Variants in GRIP1 observed in about 807,000 individuals in gnomAD.
GRIP1 encodes glutamate receptor interacting protein 1.
GRIP1 carries 45 observed loss-of-function variants against 129.9 expected under a neutral mutation model. The observed-to-expected ratio is 0.35, with a 90% confidence interval of 0.27 to 0.44. The LOEUF (loss-of-function observed/expected upper bound fraction) is 0.44, where lower values mean the gene tolerates loss of function less well. Among genes scored for constraint, GRIP1 ranks in the 20% least tolerant of loss-of-function variants. The probability of loss-of-function intolerance (pLI) is 1.00; values close to 1 mark genes in which losing one functional copy is unlikely to be tolerated. For synonymous variants in GRIP1, 530 were observed against 520.8 expected (o/e 1.02, Z -0.24); for missense variants, 1,196 against 1,396.8 (o/e 0.86, Z 2.29).
At chr12:66,759,079 G>A (rs2037390318) in intron 1 of GRIP1, among the ~76,000 whole-genome samples, 1 of 152,206 alleles carries the variant, frequency 6.6e-6, no homozygotes, top group Non-Finnish European at 1.5e-5. Context: ...ATTCTGCATT[G>A]CCCTAGTAGA....
chr12:66,642,940 A>G (rs768633148), intron 1 of GRIP1, among the ~76,000 whole-genome samples: 1 of 152,226 alleles, frequency 6.6e-6, no homozygotes, highest in Non-Finnish European at 1.5e-5. Context: ...TTTAAAATAA[A>G]CTAGGCTTTG....
At chr12:66,583,102 G>A (rs1289404140) in intron 2 of GRIP1, among the ~76,000 whole-genome samples, 17 of 151,732 alleles carry the variant, frequency 1.1e-4, no homozygotes, top group South Asian at 2.1e-4. Flanking sequence ...AAATAACGCC[G>A]CATATCTACA....
At position 66,910,364 on chromosome 12, in the gene GRIP1, T is replaced by G. The variant is rs1203444561; in HGVS notation, c.58+158686A>C. ...TTCTTCTCCTGCATTCTATAAAATGTAATTCCACCTTTGGGGAGTGACCAT... is the reference window on the plus strand; with the variant it reads ...TTCTTCTCCTGCATTCTATAAAATGGAATTCCACCTTTGGGGAGTGACCAT... On this transcript the variant is annotated intron_variant, in intron 1 of 1. Coordinates refer to the GRIP1 transcript ENST00000643019. 2.0e-5 allele frequency among the ~76,000 whole-genome samples: 3 copies of G among 152,310 alleles called. No homozygotes were observed. The East Asian group carries it at 5.8e-4, about 29-fold the overall frequency.
intron 1 of GRIP1, among the ~76,000 whole-genome samples, chr12:66,873,384 A>G (rs943089892): frequency 6.6e-6 from 1 of 152,104 alleles, no homozygotes; most frequent in Admixed American, 6.6e-5. Flanking sequence ...AGTCTGCCAC[A>G]GTGATGCTGG....
At chr12:66,361,936 G>A (rs1182116338) in intron 23 of GRIP1, among the ~76,000 whole-genome samples, 1 of 152,058 alleles carries the variant, frequency 6.6e-6, no homozygotes, top group East Asian at 1.9e-4. Flanking sequence ...TGAAGGCCAG[G>A]CACACTGTCA....
intron 1 of GRIP1, among the ~76,000 whole-genome samples, chr12:66,871,294 T>G (rs1280231604): frequency 1.3e-5 from 2 of 152,148 alleles, no homozygotes; most frequent in Non-Finnish European, 2.9e-5. Context: ...TTTAGAACAC[T>G]ATTTTTTCCC....
chr12:66,799,541 C>T (rs917624947), intron 1 of GRIP1, among the ~76,000 whole-genome samples: 24 of 152,186 alleles, frequency 1.6e-4, no homozygotes, highest in Admixed American at 6.5e-4. Context: ...ATGAAATGTG[C>T]TTCCCTCTCT....
At chr12:66,460,220 A>C (rs1006467013) in intron 9 of GRIP1, among the ~76,000 whole-genome samples, 1 of 152,226 alleles carries the variant, frequency 6.6e-6, no homozygotes, top group African/African-American at 2.4e-5. Flanking sequence ...GGTATGTCTA[A>C]GTCCCTTGTT....
intron 14 of GRIP1, among the ~76,000 whole-genome samples, chr12:66,428,722 A>G (rs904291600): frequency 6.6e-6 from 1 of 152,198 alleles, no homozygotes; most frequent in Non-Finnish European, 1.5e-5. Flanking sequence ...TCACAGAGCT[A>G]CTTTCAGGAT....
intron 1 of GRIP1, among the ~76,000 whole-genome samples, chr12:66,688,145 C>T (rs767438384): frequency 6.6e-6 from 1 of 152,146 alleles, no homozygotes; most frequent in Non-Finnish European, 1.5e-5. Context: ...TTAGTTACTT[C>T]GGTCAGTATG....
chr12:66,621,612 G>A (rs2065270722), intron 1 of GRIP1, among the ~76,000 whole-genome samples: 1 of 152,094 alleles, frequency 6.6e-6, no homozygotes, highest in Non-Finnish European at 1.5e-5. Flanking sequence ...GGGTATATAT[G>A]TAGGCGTGGA....
intron 1 of GRIP1, among the ~76,000 whole-genome samples, chr12:66,974,846 G>A (rs763582383): frequency 1.1e-4 from 16 of 152,116 alleles, no homozygotes; most frequent in Non-Finnish European, 2.1e-4. Flanking sequence ...CTTCCAAGAC[G>A]TAAAAGGGAT....
At chr12:66,670,192 C>A (rs186168443) in intron 1 of GRIP1, among the ~76,000 whole-genome samples, 6 of 152,294 alleles carry the variant, frequency 3.9e-5, no homozygotes, top group Admixed American at 3.3e-4. Context: ...CATTGCACCG[C>A]ATACAACCAA....
At chr12:66,837,289 A>C (rs1479326255) in intron 1 of GRIP1, among the ~76,000 whole-genome samples, 1 of 152,210 alleles carries the variant, frequency 6.6e-6, no homozygotes, top group African/African-American at 2.4e-5. Context: ...AGAGAGATTT[A>C]GAGAAGAGTT....
At chr12:66,834,574 A>G (rs7304987) in intron 1 of GRIP1, among the ~76,000 whole-genome samples, 2,261 of 152,254 alleles carry the variant, frequency 0.015, 57 homozygotes, top group African/African-American at 0.051. Flanking sequence ...TTAAAAGCCA[A>G]TATGTTATCA....
At chr12:66,951,370 G>C (rs1237883166) in intron 1 of GRIP1, among the ~76,000 whole-genome samples, 1 of 152,162 alleles carries the variant, frequency 6.6e-6, no homozygotes, top group Non-Finnish European at 1.5e-5. Context: ...ATTTCAGGCA[G>C]AGCAAATAGC....
chr12:66,905,701 T>C (rs1264498399), intron 1 of GRIP1, among the ~76,000 whole-genome samples: 2 of 152,208 alleles, frequency 1.3e-5, no homozygotes, highest in Non-Finnish European at 2.9e-5. Flanking sequence ...TTATTATAGC[T>C]CATATTAATT....
At chr12:66,732,953 C>T (rs1338397999) in intron 1 of GRIP1, among the ~76,000 whole-genome samples, 1 of 152,104 alleles carries the variant, frequency 6.6e-6, no homozygotes, top group Non-Finnish European at 1.5e-5. Context: ...GTGCTAGGCC[C>T]AAATTTTATC....
At chr12:66,679,490 T>A (rs992996941), upstream of GRIP1, among the ~76,000 whole-genome samples, 6 of 151,006 alleles carry the variant, frequency 4.0e-5, no homozygotes, top group Non-Finnish European at 8.8e-5. Flanking sequence ...GAGGGCCGTT[T>A]ATATTTGGGA....
Sources: allele counts gnomAD v4.1 joint callset (sites outside exome capture counted in the v4.1 genomes callset), GRCh38; gene constraint gnomAD v4.1.1; transcripts MANE v1.5; gene names NCBI Gene and HGNC (gene_info 2026-07-23, HGNC 2026-07-21).